Variants in EEPD1 observed in about 807,000 individuals in gnomAD.
The protein encoded by EEPD1 is endonuclease/exonuclease/phosphatase family domain containing 1.
In EEPD1, 17 loss-of-function variants were observed where a neutral mutation model predicts 46.3. The ratio of observed to expected loss-of-function variants is 0.37; its 90% CI spans 0.25 to 0.55. The LOEUF (loss-of-function observed/expected upper bound fraction) is 0.55. Among genes scored for constraint, EEPD1 ranks in the 20% least tolerant of loss-of-function variants. The pLI is 0.83. For missense variants in EEPD1, 673 were observed against 745.6 expected (o/e 0.90, Z 1.13); for synonymous variants, 313 against 315.6 (o/e 0.99, Z 0.09).
intron 2 of EEPD1, among the ~76,000 whole-genome samples, chr7:36,183,230 G>A (rs73686970): frequency 0.015 from 2,351 of 152,262 alleles, 67 homozygotes; most frequent in African/African-American, 0.054. Flanking sequence ...TGTTCTCCAC[G>A]AGAACCAAAA....
intron 2 of EEPD1, among the ~76,000 whole-genome samples, chr7:36,180,566 T>C (rs977423079): frequency 2.0e-5 from 3 of 152,142 alleles, no homozygotes; most frequent in Admixed American, 1.3e-4. Context: ...TTAAACATGC[T>C]TGGAACACAT....
At chr7:36,192,292 A>G (rs1012339630) in intron 2 of EEPD1, among the ~76,000 whole-genome samples, 15 of 152,252 alleles carry the variant, frequency 9.9e-5, no homozygotes, top group African/African-American at 3.6e-4. Flanking sequence ...GGAAGAAAGC[A>G]GAAGAACAGA....
intron 2 of EEPD1, among the ~76,000 whole-genome samples, chr7:36,216,045 T>C (rs1274116393): frequency 1.3e-5 from 2 of 152,216 alleles, no homozygotes; most frequent in Non-Finnish European, 2.9e-5. Context: ...GCTTTAATCA[T>C]GCTTATTACA....
At chr7:36,297,239 A>ACTG in intron 7 of EEPD1, 52 bp downstream of exon 7, 1 of 1,581,422 alleles carries the variant, frequency 6.3e-7, no homozygotes, top group Non-Finnish European at 8.6e-7. Flanking sequence ...GAGTGAGAGA[A>ACTG]ACATGTCTGA....
At chr7:36,188,819 C>G (rs1034409800) in intron 2 of EEPD1, among the ~76,000 whole-genome samples, 22 of 151,940 alleles carry the variant, frequency 1.4e-4, no homozygotes, top group Non-Finnish European at 8.8e-5. Flanking sequence ...TTTAAATATG[C>G]TCAGAAAATG....
intron 3 of EEPD1, among the ~76,000 whole-genome samples, chr7:36,247,653 T>C (rs945465250): frequency 1.3e-5 from 2 of 152,212 alleles, no homozygotes; most frequent in Admixed American, 6.5e-5. Context: ...CTGCCCCAGG[T>C]CCACAGCAGG....
At chr7:36,272,757 G>A (rs1194771310) in intron 3 of EEPD1, among the ~76,000 whole-genome samples, 1 of 152,178 alleles carries the variant, frequency 6.6e-6, no homozygotes, top group Non-Finnish European at 1.5e-5. Flanking sequence ...AAACAAGGAT[G>A]CACCATCATG....
rs531264859 is a variant in EEPD1, at chr7:36,202,370, G to T, written c.879-36615G>T. On this transcript the variant is annotated intron_variant, in intron 2 of 7. Coordinates refer to ENST00000242108, the MANE Select transcript of EEPD1 (RefSeq NM_030636.3). ...TTCCTGGCCAGGATCTTGCCTGGGG[G>T]TGCTGCTTATTTTCTGCAGGGACTT... 5.9e-5 allele frequency among the ~76,000 whole-genome samples: 9 copies of T among 152,244 alleles called. No homozygotes were observed. In the South Asian group the frequency reaches 1.7e-3, roughly 28 times the overall value.
At chr7:36,237,549 T>TC (rs990262689) in intron 2 of EEPD1, among the ~76,000 whole-genome samples, 27 of 152,210 alleles carry the variant, frequency 1.8e-4, no homozygotes, top group African/African-American at 6.5e-4. Context: ...CGGAAAGGGG[T>TC]CCCCATGTAG....
chr7:36,204,098 G>A (rs1785769320), intron 2 of EEPD1, among the ~76,000 whole-genome samples: 1 of 148,364 alleles, frequency 6.7e-6, no homozygotes, highest in South Asian at 2.1e-4. Context: ...GCAGTGACGC[G>A]ATCACAGTTC....
chr7:36,160,211 T>C (rs1385474204), intron 2 of EEPD1, among the ~76,000 whole-genome samples: 1 of 152,210 alleles, frequency 6.6e-6, no homozygotes, highest in Non-Finnish European at 1.5e-5. Flanking sequence ...TACCAGGTTC[T>C]GTATCAGGCT....
chr7:36,245,996 A>G (rs1161319233), intron 3 of EEPD1, among the ~76,000 whole-genome samples: 1 of 152,252 alleles, frequency 6.6e-6, no homozygotes, highest in Non-Finnish European at 1.5e-5. Flanking sequence ...GGAAATAAAA[A>G]TATTGGTACA....
At chr7:36,186,056 A>G (rs190209198) in intron 2 of EEPD1, among the ~76,000 whole-genome samples, 1 of 152,286 alleles carries the variant, frequency 6.6e-6, no homozygotes, top group East Asian at 1.9e-4. Flanking sequence ...TTCACGTGGT[A>G]TATTTCTTTT....
intron 2 of EEPD1, among the ~76,000 whole-genome samples, chr7:36,171,324 C>T (rs1785076566): frequency 6.6e-6 from 1 of 152,006 alleles, no homozygotes; most frequent in Non-Finnish European, 1.5e-5. Context: ...AAGAGTGGAC[C>T]CAGCAGAAAA....
At chr7:36,269,812 C>T (rs1452308920) in intron 3 of EEPD1, among the ~76,000 whole-genome samples, 1 of 152,148 alleles carries the variant, frequency 6.6e-6, no homozygotes, top group South Asian at 2.1e-4. Flanking sequence ...AAGATATTGC[C>T]ATTTGAAATT....
At chr7:36,290,685 C>T (rs1787416033) in intron 6 of EEPD1, among the ~76,000 whole-genome samples, 1 of 152,160 alleles carries the variant, frequency 6.6e-6, no homozygotes, top group Non-Finnish European at 1.5e-5. Context: ...GGGTCTCCCT[C>T]TGTGAACTGA....
At chr7:36,289,226 G>A (rs1377899012) in intron 6 of EEPD1, among the ~76,000 whole-genome samples, 1 of 152,144 alleles carries the variant, frequency 6.6e-6, no homozygotes, top group Non-Finnish European at 1.5e-5. Context: ...TCAAGTCAGT[G>A]CTACTAATGT....
intron 2 of EEPD1, among the ~76,000 whole-genome samples, chr7:36,230,236 GTC>G (rs1335507700): frequency 6.6e-6 from 1 of 151,842 alleles, no homozygotes; most frequent in African/African-American, 2.4e-5. Context: ...CCCGTCCTGG[GTC>G]TCTCTACCTC....
At chr7:36,219,740 T>C (rs962150904) in intron 2 of EEPD1, among the ~76,000 whole-genome samples, 5 of 134,300 alleles carry the variant, frequency 3.7e-5, no homozygotes, top group African/African-American at 1.4e-4. Context: ...ACTGGCCTGA[T>C]AGTTGGCCAG....
Sources: gnomAD v4.1 joint callset for allele counts (sites outside exome capture counted in the v4.1 genomes callset) on GRCh38, gnomAD v4.1.1 for gene constraint, MANE v1.5 for transcripts, NCBI Gene and HGNC (gene_info 2026-07-23, HGNC 2026-07-21) for gene names.